Variants in ADCY2 observed in about 807,000 individuals in gnomAD.
ADCY2 encodes adenylate cyclase 2.
Under a neutral mutation model 125.2 loss-of-function variants are expected in ADCY2, and 31 were observed. That is an observed-to-expected ratio of 0.25 (90% CI 0.19 to 0.33). ADCY2 has a LOEUF of 0.33. Among genes scored for constraint, ADCY2 ranks in the 10% least tolerant of loss-of-function variants. ADCY2 has a pLI of 1.00. For missense variants in ADCY2, 904 were observed against 1,418.2 expected, an observed-to-expected ratio of 0.64 and a Z score of 5.82; for synonymous variants, 512 against 548.4, an observed-to-expected ratio of 0.93 and a Z score of 0.93.
chr5:7,560,136 C>T (rs1039087270), intron 3 of ADCY2, among the ~76,000 whole-genome samples: 1 of 152,036 alleles, frequency 6.6e-6, no homozygotes, highest in African/African-American at 2.4e-5. Flanking sequence ...TAAAAATAGC[C>T]CATTGCTGGA....
chr5:7,773,891 T>C (rs924671251), intron 18 of ADCY2, among the ~76,000 whole-genome samples: 3 of 152,232 alleles, frequency 2.0e-5, no homozygotes, highest in African/African-American at 4.8e-5. Context: ...TTTTAATCAT[T>C]ATGATACTTT....
intron 15 of ADCY2, among the ~76,000 whole-genome samples, chr5:7,748,191 C>G (rs968573273): frequency 2.0e-5 from 3 of 152,106 alleles, no homozygotes; most frequent in East Asian, 1.9e-4. Flanking sequence ...CCTAGGGGAC[C>G]TTCTCCAGAT....
chr5:7,430,459 C>G (rs1046287109), intron 2 of ADCY2, among the ~76,000 whole-genome samples: 1 of 149,470 alleles, frequency 6.7e-6, no homozygotes, highest in African/African-American at 2.5e-5. Context: ...AAATTCAAAT[C>G]AAAATTTATC....
At chr5:7,398,656 C>A (rs978258410) in intron 1 of ADCY2, among the ~76,000 whole-genome samples, 1 of 152,172 alleles carries the variant, frequency 6.6e-6, no homozygotes, top group Non-Finnish European at 1.5e-5. Flanking sequence ...TATGTGCACC[C>A]TTCAAAGAGA....
chr5:7,755,344 AG>A (rs879610847), intron 15 of ADCY2, among the ~76,000 whole-genome samples: 4 of 152,056 alleles, frequency 2.6e-5, no homozygotes, highest in Admixed American at 2.0e-4. Flanking sequence ...CGTCTCCCTC[AG>A]GGGGGCATGT....
At chr5:7,702,061 G>T (rs1741095939) in intron 7 of ADCY2, among the ~76,000 whole-genome samples, 1 of 151,922 alleles carries the variant, frequency 6.6e-6, no homozygotes, top group Non-Finnish European at 1.5e-5. Flanking sequence ...TTCCTCCTCT[G>T]TTTGTTTCAT....
chr5:7,528,780 T>A (rs533255876), intron 3 of ADCY2, among the ~76,000 whole-genome samples: 1 of 152,332 alleles, frequency 6.6e-6, no homozygotes, highest in Non-Finnish European at 1.5e-5. Flanking sequence ...TCCGTGCATG[T>A]TTGATCCATT....
In ADCY2 at chr5:7,806,043, A is replaced by G. The variant is rs1410784024; in HGVS notation, c.2883+1351A>G. On this transcript the variant is annotated intron_variant, in intron 22 of 24. Coordinates refer to ENST00000338316, the MANE Select transcript of ADCY2 (RefSeq NM_020546.3). ...ATTCTGAGCAACACCCTCTCAAGCC[A>G]TCATGGAGTCTGTGGCCAAAGGAAA... 3.3e-5 allele frequency among the ~76,000 whole-genome samples: 5 copies of G among 152,336 alleles called. 1 individual carries two copies. The highest frequency in any genetic ancestry group is 2.1e-4 in the South Asian group (1 of 4,830).
At chr5:7,820,484 AC>A (rs1294679513) in intron 23 of ADCY2, 80 bp from the exon 24 acceptor site, 6 of 1,519,346 alleles carry the variant, frequency 3.9e-6, no homozygotes, top group Non-Finnish European at 4.4e-6. Context: ...ACAGAATAAG[AC>A]CCCATCTCAA....
chr5:7,711,302 G>A (rs1391454059), intron 10 of ADCY2, among the ~76,000 whole-genome samples: 1 of 152,186 alleles, frequency 6.6e-6, no homozygotes, highest in African/African-American at 2.4e-5. Flanking sequence ...TATCCAACCA[G>A]TGAAAGCCTA....
intron 2 of ADCY2, among the ~76,000 whole-genome samples, chr5:7,425,877 G>A (rs1740367932): frequency 6.6e-6 from 1 of 152,196 alleles, no homozygotes; most frequent in Non-Finnish European, 1.5e-5. Context: ...CATTGGAACT[G>A]TAATTTTCCT....
intron 4 of ADCY2, among the ~76,000 whole-genome samples, chr5:7,627,182 G>T (rs1359207895): frequency 1.3e-5 from 2 of 152,162 alleles, no homozygotes; most frequent in African/African-American, 4.8e-5. Flanking sequence ...TCAGGGAGGT[G>T]ATTGAAGAGT....
rs1378873708 is a variant in ADCY2 at position 7,816,996 on chromosome 5, G to T, written c.2998+16G>T. The T allele has an allele frequency of 6.3e-7, 1 of 1,599,286 alleles. No individual in the cohort carries two copies. Among genetic ancestry groups the T allele is most frequent in the African/African-American group, 1.3e-5 (1 of 74,612 alleles). ...TTGCGAGTGGGTACGTTCTGCAAAAGAGGTCTCGGTTTCAGTTGTGGCAAA... is the reference window on the plus strand; with the variant it reads ...TTGCGAGTGGGTACGTTCTGCAAAATAGGTCTCGGTTTCAGTTGTGGCAAA... On this transcript the variant is annotated intron_variant, in intron 23 of 24. Coordinates refer to ENST00000338316, the MANE Select transcript of ADCY2 (RefSeq NM_020546.3).
chr5:7,411,268 C>G (rs978541843), intron 1 of ADCY2, among the ~76,000 whole-genome samples: 3 of 152,122 alleles, frequency 2.0e-5, no homozygotes, highest in Non-Finnish European at 2.9e-5. Flanking sequence ...CTGTCTCAAG[C>G]CGTTGGCCGT....
chr5:7,819,149 G>C (rs1019485976), intron 23 of ADCY2, among the ~76,000 whole-genome samples: 1 of 152,100 alleles, frequency 6.6e-6, no homozygotes, highest in Non-Finnish European at 1.5e-5. Context: ...TTCTGGCCAC[G>C]CTGGCAGCTG....
At chr5:7,523,378 A>G (rs1041267876) in intron 3 of ADCY2, among the ~76,000 whole-genome samples, 1 of 152,124 alleles carries the variant, frequency 6.6e-6, no homozygotes, top group Non-Finnish European at 1.5e-5. Flanking sequence ...AGTTTCAAAA[A>G]CCGACAAAGA....
rs756567061 is a variant in ADCY2, at chr5:7,804,638, C to T, written c.2829C>T (p.Ser943=). ...TTGAAAAGATTAAGACCATTGGCAGCACATACATGGCAGCAACAGGTCTGA... is the reference window on the plus strand; with the variant it reads ...TTGAAAAGATTAAGACCATTGGCAGTACATACATGGCAGCAACAGGTCTGA... ...SGVEKIKTIG[S]TYMAATGLSA... The change falls in exon 22 of 25, where the codon AGC becomes AGT. Residue 943 remains serine (S), a synonymous_variant. Coordinates refer to ENST00000338316, the MANE Select transcript of ADCY2 (RefSeq NM_020546.3). 1.9e-6 allele frequency: 3 copies of T among 1,614,168 alleles called. No individual in the cohort carries two copies.
intron 2 of ADCY2, among the ~76,000 whole-genome samples, chr5:7,502,997 C>T (rs1264444552): frequency 6.6e-6 from 1 of 152,194 alleles, no homozygotes; most frequent in East Asian, 1.9e-4. Context: ...TCTGCAACTC[C>T]TGTGCCTTTG....
chr5:7,774,051 A>G (rs932596710), intron 18 of ADCY2, among the ~76,000 whole-genome samples: 4 of 152,192 alleles, frequency 2.6e-5, no homozygotes, highest in African/African-American at 9.7e-5. Flanking sequence ...TAAATGCCTT[A>G]AATATTTGCA....
Sources: gnomAD v4.1 joint callset for allele counts (sites outside exome capture counted in the v4.1 genomes callset) on GRCh38, gnomAD v4.1.1 for gene constraint, MANE v1.5 for transcripts, NCBI Gene and HGNC (gene_info 2026-07-23, HGNC 2026-07-21) for gene names.